ZC3H12B: variants seen among roughly 807,000 people sequenced by gnomAD.
ZC3H12B encodes the protein probable ribonuclease ZC3H12B.
ZC3H12B carries 7 observed loss-of-function variants against 43.9 expected under a neutral mutation model. The ratio of observed to expected loss-of-function variants is 0.16; its 90% CI spans 0.09 to 0.30. The LOEUF is 0.30. Among genes scored for constraint, ZC3H12B ranks in the 10% least tolerant of loss-of-function variants. The pLI, the probability that ZC3H12B is intolerant of heterozygous loss-of-function variation, is 1.00. For synonymous variants in ZC3H12B, 222 were observed against 241.7 expected, an observed-to-expected ratio of 0.92 and a Z score of 0.76; for missense variants, 475 against 670.2, an observed-to-expected ratio of 0.71 and a Z score of 3.22.
chrX:65,471,372 C>T (rs2067910182), intron 3 of ZC3H12B, among the ~76,000 whole-genome samples: 1 of 109,173 alleles, frequency 9.2e-6, no homozygotes, highest in Admixed American at 9.9e-5. Context: ...CTTATTCTAC[C>T]CATTTATCTT....
the ZC3H12B span, among the ~76,000 whole-genome samples, chrX:65,180,643 A>G: frequency 1.8e-5 from 2 of 111,604 alleles, no homozygotes; most frequent in Non-Finnish European, 3.8e-5. Context: ...GAGCCAAATC[A>G]TGAGTAAACT....
At chrX:65,098,885 G>T in the ZC3H12B span, among the ~76,000 whole-genome samples, 1 of 110,080 alleles carries the variant, frequency 9.1e-6, no homozygotes, top group East Asian at 2.9e-4. Flanking sequence ...AGACAGAATT[G>T]TTCACTCCTC....
chrX:65,365,894 T>A (rs1477684869), upstream of ZC3H12B, among the ~76,000 whole-genome samples: 2 of 109,458 alleles, frequency 1.8e-5, no homozygotes, highest in Non-Finnish European at 3.8e-5. Context: ...ACGACCCCAC[T>A]GCGATCTCCC....
At chrX:65,275,171 T>A in the ZC3H12B span, among the ~76,000 whole-genome samples, 1 of 112,848 alleles carries the variant, frequency 8.9e-6, no homozygotes, top group African/African-American at 3.2e-5. Flanking sequence ...AACTGTGTCA[T>A]GGGTCTGAGA....
At chrX:65,140,832 C>A in the ZC3H12B span, among the ~76,000 whole-genome samples, 1 of 111,094 alleles carries the variant, frequency 9.0e-6, no homozygotes, top group African/African-American at 3.3e-5. Context: ...TCCTGTGTTT[C>A]CAGGTTGTCT....
chrX:65,118,148 T>G, the ZC3H12B span, among the ~76,000 whole-genome samples: 1 of 111,610 alleles, frequency 9.0e-6, no homozygotes, highest in African/African-American at 3.3e-5. Context: ...TAAATTACCT[T>G]GGGCAATATG....
chrX:65,364,308 C>T (rs922266128), upstream of ZC3H12B, among the ~76,000 whole-genome samples: 96 of 109,661 alleles, frequency 8.8e-4, no homozygotes, highest in African/African-American at 3.0e-3. Flanking sequence ...TCCTGTACCA[C>T]CCTGCTGTTA....
chrX:65,463,247 A>C (rs1440234466), intron 3 of ZC3H12B, among the ~76,000 whole-genome samples: 1 of 112,014 alleles, frequency 8.9e-6, no homozygotes, highest in East Asian at 2.8e-4. Flanking sequence ...ACAAAGCTGC[A>C]CAAGTACCCC....
the ZC3H12B span, among the ~76,000 whole-genome samples, chrX:65,069,753 A>G: frequency 1.8e-5 from 2 of 112,114 alleles, no homozygotes; most frequent in Non-Finnish European, 3.8e-5. Context: ...AATTGCACTA[A>G]TTGATTTGCA....
At chrX:65,285,857 G>A in the ZC3H12B span, among the ~76,000 whole-genome samples, 1 of 111,389 alleles carries the variant, frequency 9.0e-6, no homozygotes, top group Non-Finnish European at 1.9e-5. Context: ...ATGGCAATAA[G>A]AGAAAAAGAA....
At chrX:65,233,247 G>T in the ZC3H12B span, among the ~76,000 whole-genome samples, 1 of 111,498 alleles carries the variant, frequency 9.0e-6, no homozygotes, top group Non-Finnish European at 1.9e-5. Context: ...GACCAAATGG[G>T]CCAAATAGAC....
At chrX:65,507,809 G>A (rs2148252522) in exon 5 of ZC3H12B, 1 of 112,407 alleles carries the variant, frequency 8.9e-6, no homozygotes, top group East Asian at 2.8e-4. Context: ...CTATAATTGT[G>A]ATGGAAAATG....
chrX:65,381,127 C>T lies in ZC3H12B; in HGVS notation n.295+12129C>T, dbSNP rs752279897. Among the ~76,000 whole-genome samples the T allele has an allele frequency of 2.1e-3, 232 of 111,367 alleles. 1 individual carries two copies. Among genetic ancestry groups the T allele is most frequent in the African/African-American group, 7.2e-3 (221 of 30,666 alleles). ...CCTAATAGACATCTACAGAACTCTCCACCCCAAATCAACAGAATATACATT... is the reference window on the plus strand; with the variant it reads ...CCTAATAGACATCTACAGAACTCTCTACCCCAAATCAACAGAATATACATT... On this transcript the variant is annotated intron_variant and non_coding_transcript_variant, in intron 2 of 5. Transcript: ENST00000617377.
intron 3 of ZC3H12B, among the ~76,000 whole-genome samples, chrX:65,401,587 T>G (rs1389177459): frequency 4.5e-5 from 5 of 111,959 alleles, no homozygotes; most frequent in Non-Finnish European, 7.5e-5. Context: ...CATGATCTAC[T>G]GAAACACCAG....
At chrX:65,387,457 T>A (rs1171176687) in intron 2 of ZC3H12B, among the ~76,000 whole-genome samples, 1 of 111,732 alleles carries the variant, frequency 8.9e-6, no homozygotes, top group African/African-American at 3.3e-5. Flanking sequence ...AGACTAGGAT[T>A]GTAACCCCTG....
At chrX:65,405,271 A>G (rs5964436) in intron 3 of ZC3H12B, among the ~76,000 whole-genome samples, 12,463 of 112,280 alleles carry the variant, frequency 0.11, 1,659 homozygotes, top group African/African-American at 0.38. Flanking sequence ...ATCTAATGAT[A>G]CATCTTAAAG....
chrX:65,314,263 C>A, the ZC3H12B span, among the ~76,000 whole-genome samples: 2 of 110,957 alleles, frequency 1.8e-5, no homozygotes, highest in East Asian at 5.6e-4. Context: ...GAAATAAAAG[C>A]TGAAATTTAC....
Position 65,374,452 on chromosome X carries a change from A to T in ZC3H12B, n.295+5454A>T, listed in dbSNP as rs1285614683. 2.8e-5 allele frequency among the ~76,000 whole-genome samples: 3 copies of T among 106,925 alleles called. No individual in the cohort carries two copies. In the East Asian group the frequency reaches 8.7e-4, roughly 31 times the overall value. 92.9% of individuals were successfully genotyped at this position (106,925 alleles called of 115,157 possible). A position where few individuals can be genotyped will look rare whatever the true frequency, so the allele number is the denominator to read the frequency against. ...AAGTTGAAATTTTTAAAGTAAAAAA[A>T]AAAATTACTAAGCATTAATTGATTA... On this transcript the variant is annotated intron_variant and non_coding_transcript_variant, in intron 2 of 5. Coordinates refer to the ZC3H12B transcript ENST00000617377.
At chrX:65,107,751 C>A in the ZC3H12B span, among the ~76,000 whole-genome samples, 9 of 110,946 alleles carry the variant, frequency 8.1e-5, no homozygotes, top group African/African-American at 3.0e-4. Context: ...CTTTTGCTGC[C>A]ATGTGAAGGA....
Sources: gnomAD v4.1 joint callset for allele counts (sites outside exome capture counted in the v4.1 genomes callset) on GRCh38, gnomAD v4.1.1 for gene constraint, MANE v1.5 for transcripts, NCBI Gene and HGNC (gene_info 2026-07-23, HGNC 2026-07-21) for gene names.